The following ARMC9 variants were observed in gnomAD, a reference collection of about 807,000 sequenced individuals.
The protein encoded by ARMC9 is lisH domain-containing protein ARMC9.
Under a neutral mutation model 107.0 loss-of-function variants are expected in ARMC9, and 94 were observed. That is an observed-to-expected ratio of 0.88 (90% CI 0.74 to 1.04). The LOEUF is 1.04. Ranked by LOEUF, ARMC9 falls within the 50% of genes least tolerant of loss-of-function variation. The pLI is 0.00. For synonymous variants in ARMC9, 380 were observed against 396.9 expected (o/e 0.96, Z 0.51); for missense variants, 942 against 1,030.1 (o/e 0.91, Z 1.17).
intron 19 of ARMC9, among the ~76,000 whole-genome samples, chr2:231,316,661 T>A (rs2042700612): frequency 7.5e-6 from 1 of 133,754 alleles, no homozygotes; most frequent in South Asian, 2.3e-4. Flanking sequence ...CAAGACTCCA[T>A]CTCAAAAAAA....
intron 8 of ARMC9, 51 bp downstream of exon 8, chr2:231,235,432 T>G: frequency 6.2e-7 from 1 of 1,603,560 alleles, no homozygotes; most frequent in South Asian, 1.1e-5. Context: ...TGAAGAAGGC[T>G]TATAGGCATG....
At chr2:231,347,362 A>G (rs964310575) in intron 21 of ARMC9, among the ~76,000 whole-genome samples, 2 of 152,166 alleles carry the variant, frequency 1.3e-5, no homozygotes, top group Non-Finnish European at 2.9e-5. Flanking sequence ...AATCAATAAG[A>G]TGTGACTCCC....
intron 19 of ARMC9, among the ~76,000 whole-genome samples, chr2:231,302,497 AGTTTGATCT>A (rs1305099745): frequency 7.2e-6 from 1 of 138,712 alleles, no homozygotes; most frequent in East Asian, 2.2e-4. Flanking sequence ...AGAAAAACAC[AGTTTGATCT>A]GGGCTGTATC....
chr2:231,326,140 T>G (rs551579331), intron 19 of ARMC9, among the ~76,000 whole-genome samples: 1 of 152,282 alleles, frequency 6.6e-6, no homozygotes, highest in East Asian at 1.9e-4. Context: ...GAAACAGGCT[T>G]CTTCTGTGGG....
At chr2:231,352,939 C>T (rs377721358) in intron 21 of ARMC9, among the ~76,000 whole-genome samples, 2 of 136,436 alleles carry the variant, frequency 1.5e-5, no homozygotes, top group Non-Finnish European at 3.0e-5. Context: ...CCATGGCTCA[C>T]GCCTGTAATC....
intron 12 of ARMC9, 68 bp from the exon 13 acceptor site, chr2:231,270,914 G>A (rs1225227196): frequency 3.4e-5 from 46 of 1,368,710 alleles, no homozygotes; most frequent in South Asian, 8.4e-5. Context: ...TACCAGACCC[G>A]AAGAGGAGGC....
chr2:231,271,927 G>T (rs934765280), intron 13 of ARMC9, among the ~76,000 whole-genome samples: 5 of 152,018 alleles, frequency 3.3e-5, no homozygotes, highest in Non-Finnish European at 5.9e-5. Flanking sequence ...CTGTTGTGAA[G>T]ACTTAAGGGC....
At chr2:231,328,534 GT>G (rs779466489) in intron 19 of ARMC9, among the ~76,000 whole-genome samples, 1 of 152,044 alleles carries the variant, frequency 6.6e-6, no homozygotes, top group Non-Finnish European at 1.5e-5. Context: ...TTGAGGTTCA[GT>G]TTTTTTCCTA....
Position 231,216,818 on chromosome 2 carries a change from T to C in ARMC9, c.504+25T>C, listed in dbSNP as rs2033558034. The C allele has an allele frequency of 5.0e-6, 8 of 1,602,608 alleles. No homozygotes were observed. The East Asian group carries it at 1.8e-4, about 36-fold the overall frequency. On this transcript the variant is annotated intron_variant, in intron 5 of 24. Transcript: ENST00000611582. ...GGTAAATGTCAGCTTTTAACTCTTG[T>C]GTCAGATCCTGGGTGACATTGTGGT...
chr2:231,368,623 A>G (rs1247746591), intron 23 of ARMC9, among the ~76,000 whole-genome samples: 7 of 152,120 alleles, frequency 4.6e-5, no homozygotes, highest in Non-Finnish European at 7.4e-5. Context: ...GTTATGAGTG[A>G]TACAAAAATT....
At position 231,255,199 on chromosome 2, in the gene ARMC9, ACAC is replaced by A; in HGVS notation, c.880-1386_880-1384del. ...AAAAGAAACACACACACACACACACACACACACACACACACACACACAAAATAA... is the reference window on the plus strand; with the variant it reads ...AAAAGAAACACACACACACACACACAACACACACACACACACACAAAATAA... On this transcript the variant is annotated intron_variant, in intron 9 of 24. Coordinates refer to ENST00000611582, the MANE Select transcript of ARMC9 (RefSeq NM_001352754.2). The surrounding 1 kb of genome is among the most constrained non-coding windows in gnomAD (Gnocchi z 4.7). 6.6e-6 allele frequency among the ~76,000 whole-genome samples: 1 copy of A among 151,800 alleles called. No homozygotes were observed. The highest frequency in any genetic ancestry group is 2.1e-4 in the South Asian group (1 of 4,768).
At chr2:231,349,747 A>G (rs1373450435) in intron 21 of ARMC9, among the ~76,000 whole-genome samples, 2 of 151,974 alleles carry the variant, frequency 1.3e-5, no homozygotes, top group African/African-American at 2.4e-5. Flanking sequence ...CACCACTGCA[A>G]TCCAGCCTAG....
intron 19 of ARMC9, among the ~76,000 whole-genome samples, chr2:231,327,338 C>T (rs1341828369): frequency 6.6e-6 from 1 of 152,192 alleles, no homozygotes; most frequent in Non-Finnish European, 1.5e-5. Flanking sequence ...CCTTTTACAG[C>T]CACCGCCATT....
At chr2:231,345,486 T>G (rs911347259) in intron 21 of ARMC9, among the ~76,000 whole-genome samples, 1 of 152,244 alleles carries the variant, frequency 6.6e-6, no homozygotes, top group Non-Finnish European at 1.5e-5. Flanking sequence ...GAAATCAATT[T>G]ATTTTAGATG....
chr2:231,349,116 A>G (rs1559495303), intron 21 of ARMC9, among the ~76,000 whole-genome samples: 4 of 152,224 alleles, frequency 2.6e-5, no homozygotes, highest in Non-Finnish European at 4.4e-5. Context: ...CCATGTGTCA[A>G]AGATAGCTCT....
At chr2:231,245,103 T>G (rs6704770) in intron 9 of ARMC9, among the ~76,000 whole-genome samples, 65,528 of 152,108 alleles carry the variant, frequency 0.43, 17,416 homozygotes, top group African/African-American at 0.76. Flanking sequence ...ATAAGGACGG[T>G]ATTCATTTCT....
intron 19 of ARMC9, among the ~76,000 whole-genome samples, chr2:231,311,119 CTG>C (rs2042320442): frequency 6.6e-6 from 1 of 152,150 alleles, no homozygotes; most frequent in Admixed American, 6.5e-5. Context: ...CAGAGCAAGA[CTG>C]TGTCTCAAAA....
At chr2:231,226,271 T>G (rs1005992316) in intron 6 of ARMC9, among the ~76,000 whole-genome samples, 2 of 152,342 alleles carry the variant, frequency 1.3e-5, no homozygotes, top group Non-Finnish European at 2.9e-5. Flanking sequence ...AGTAACTGTC[T>G]TCAGTCATGC....
intron 19 of ARMC9, among the ~76,000 whole-genome samples, chr2:231,301,866 C>T (rs2041749630): frequency 6.6e-6 from 1 of 152,042 alleles, no homozygotes; most frequent in African/African-American, 2.4e-5. Context: ...GTAATCCAAG[C>T]TACTCGGTAG....
Sources: allele counts gnomAD v4.1 joint callset (sites outside exome capture counted in the v4.1 genomes callset), GRCh38; gene constraint gnomAD v4.1.1; non-coding constraint Gnocchi (gnomAD v3.1); transcripts MANE v1.5; gene names NCBI Gene and HGNC (gene_info 2026-07-23, HGNC 2026-07-21).